Variants in PCDHAC1 observed in about 807,000 individuals in gnomAD.
The protein encoded by PCDHAC1 is protocadherin alpha-C1.
A neutral mutation model predicts 60.0 loss-of-function variants in PCDHAC1; 42 were observed. That is an observed-to-expected ratio of 0.70 (90% confidence interval 0.55 to 0.90). The LOEUF is 0.90. PCDHAC1 is among the 40% of genes least tolerant of loss of function. The probability of loss-of-function intolerance (pLI) is 0.00; values close to 1 mark genes in which losing one functional copy is unlikely to be tolerated. For synonymous variants in PCDHAC1, 468 were observed against 499.3 expected, an observed-to-expected ratio of 0.94 and a Z score of 0.84; for missense variants, 1,160 against 1,222.3, an observed-to-expected ratio of 0.95 and a Z score of 0.76.
chr5:140,992,270 G>A (rs115480506), intron 3 of PCDHAC1, among the ~76,000 whole-genome samples: 186 of 152,264 alleles, frequency 1.2e-3, no homozygotes, highest in African/African-American at 4.1e-3. Flanking sequence ...AGTTCTTTTC[G>A]TAGCACATCC....
At chr5:141,005,956 A>G (rs1272905916) in intron 3 of PCDHAC1, among the ~76,000 whole-genome samples, 2 of 152,020 alleles carry the variant, frequency 1.3e-5, no homozygotes, top group Admixed American at 1.3e-4. Flanking sequence ...CTAACAAACA[A>G]CAATAAAAAA....
intron 3 of PCDHAC1, among the ~76,000 whole-genome samples, chr5:141,002,107 C>T (rs991036721): frequency 6.6e-6 from 1 of 152,246 alleles, no homozygotes. Context: ...GGGCCGGAAA[C>T]GGCTATAATC....
At chr5:140,987,007 A>T (rs2097221901) in intron 3 of PCDHAC1, among the ~76,000 whole-genome samples, 1 of 152,144 alleles carries the variant, frequency 6.6e-6, no homozygotes, top group Non-Finnish European at 1.5e-5. Context: ...TGAGGTCATG[A>T]GTTCGAGACC....
At chr5:140,941,401 C>T (rs1200707950) in intron 1 of PCDHAC1, among the ~76,000 whole-genome samples, 1 of 149,796 alleles carries the variant, frequency 6.7e-6, no homozygotes, top group Non-Finnish European at 1.5e-5. Flanking sequence ...ACTGCAACCT[C>T]CGCCTCCCGG....
rs782623559 is a variant in PCDHAC1 at position 141,009,752 on chromosome 5, A to G, written c.2707A>G (p.Ile903Val). The G allele has an allele frequency of 3.1e-6, 5 of 1,614,086 alleles. No homozygotes were observed. Among genetic ancestry groups the G allele is most frequent in the East Asian group, 4.5e-5 (2 of 44,882 alleles). The change falls in exon 4 of 4, where the codon ATC becomes GTC. Residue 903 changes from isoleucine (I) to valine (V), a missense_variant. Physicochemically the swap from Ile to Val is conservative, Grantham distance 29. Around this residue, in one of 3 missense-constraint regions of PCDHAC1, gnomAD observed 1,113 missense variants for 1,163.7 expected, o/e 0.96. Transcript: ENST00000253807. ...CGGTGAGTTGCCCGACAAATTCATT[A>G]TCCCAGGATCTCCTGCAATCATCTC... ...GPGELPDKFIIPGSPAIISIR... is the reference protein window; with the variant it reads ...GPGELPDKFIVPGSPAIISIR...
chr5:141,011,750 A>T lies in PCDHAC1; in HGVS notation c.*1813A>T, dbSNP rs1554263628. The T allele has an allele frequency of 6.5e-6, 1 of 153,696 alleles. No individual in the cohort carries two copies. Among genetic ancestry groups the T allele is most frequent in the Non-Finnish European group, 1.5e-5 (1 of 68,036 alleles). 9.5% of individuals were successfully genotyped at this position (153,696 alleles called of 1,614,324 possible). A position where few individuals can be genotyped will look rare whatever the true frequency, so the allele number is the denominator to read the frequency against. On this transcript the variant is annotated 3_prime_UTR_variant, in exon 4 of 4. Transcript: ENST00000253807. ...TGCAAGCACAAATTTTACCAATCTG[A>T]CCTCTTTGAAGTTGCAGAATGCTTT... is the stretch of plus-strand genomic sequence containing the variant.
intron 1 of PCDHAC1, among the ~76,000 whole-genome samples, chr5:140,975,853 C>T (rs1419464318): frequency 6.6e-6 from 1 of 152,126 alleles, no homozygotes; most frequent in African/African-American, 2.4e-5. Context: ...AATACTACAT[C>T]ACCCATATGG....
At chr5:140,945,424 A>T (rs1227744054) in intron 1 of PCDHAC1, among the ~76,000 whole-genome samples, 1 of 152,116 alleles carries the variant, frequency 6.6e-6, no homozygotes, top group Non-Finnish European at 1.5e-5. Context: ...ATTTCAATGA[A>T]GTTTTTACAG....
intron 3 of PCDHAC1, among the ~76,000 whole-genome samples, chr5:140,991,361 G>C (rs1183124741): frequency 6.6e-6 from 1 of 152,200 alleles, no homozygotes; most frequent in Non-Finnish European, 1.5e-5. Context: ...ACTATTTACT[G>C]TCTGAGTTCT....
chr5:141,001,946 G>A (rs1554258360), intron 3 of PCDHAC1, among the ~76,000 whole-genome samples: 4 of 147,266 alleles, frequency 2.7e-5, no homozygotes, highest in African/African-American at 1.1e-4. Flanking sequence ...CGGAAATAAG[G>A]AGGAGGGAGA....
intron 3 of PCDHAC1, among the ~76,000 whole-genome samples, chr5:140,992,017 CTGTG>C (rs10602499): frequency 0.28 from 40,265 of 145,404 alleles, 5,754 homozygotes; most frequent in East Asian, 0.38. Flanking sequence ...AGAGGTGGCT[CTGTG>C]TGTGTGTGTG....
intron 1 of PCDHAC1, among the ~76,000 whole-genome samples, chr5:140,946,570 C>G (rs1488950892): frequency 7.2e-6 from 1 of 138,492 alleles, no homozygotes; most frequent in Non-Finnish European, 1.5e-5. Context: ...ATAGAATCAA[C>G]TTAGGTGTTC....
intron 1 of PCDHAC1, among the ~76,000 whole-genome samples, chr5:140,952,230 A>C (rs1177331328): frequency 6.6e-6 from 1 of 151,960 alleles, no homozygotes; most frequent in African/African-American, 2.4e-5. Flanking sequence ...ACAGTGTGCA[A>C]GCTGCTTAGA....
At chr5:140,968,041 C>T (rs1554230247) in intron 1 of PCDHAC1, 1 of 1,614,140 alleles carries the variant, frequency 6.2e-7, no homozygotes, top group Non-Finnish European at 8.5e-7. Context: ...TGGTGAGCGG[C>T]CCACTGGACC....
At chr5:140,931,183 T>C (rs1225985669) in intron 1 of PCDHAC1, among the ~76,000 whole-genome samples, 2 of 152,158 alleles carry the variant, frequency 1.3e-5, no homozygotes, top group Non-Finnish European at 2.9e-5. Context: ...GGGAAGGAAA[T>C]TGGTGCACTA....
At chr5:141,004,030 C>T (rs1337271425) in intron 3 of PCDHAC1, among the ~76,000 whole-genome samples, 1 of 152,204 alleles carries the variant, frequency 6.6e-6, no homozygotes, top group Non-Finnish European at 1.5e-5. Flanking sequence ...GAAACATTTC[C>T]TTGATTGATC....
intron 1 of PCDHAC1, chr5:140,968,991 G>A: frequency 6.2e-7 from 1 of 1,614,208 alleles, no homozygotes; most frequent in East Asian, 2.2e-5. Context: ...ACTGCATGCT[G>A]TGGAGGCTTC....
Position 141,010,240 on chromosome 5 carries a change from G to A in PCDHAC1, c.*303G>A. The A allele has an allele frequency of 6.4e-7, 1 of 1,551,928 alleles. No homozygotes were observed. The highest frequency in any genetic ancestry group is 8.7e-7 in the Non-Finnish European group (1 of 1,147,042). ...GGCTTCCCAGCCCCGCCAGTGAGAGGTTGGACTCTCTGCCCTGTGCTCCGG... is the reference window on the plus strand; with the variant it reads ...GGCTTCCCAGCCCCGCCAGTGAGAGATTGGACTCTCTGCCCTGTGCTCCGG... On this transcript the variant is annotated 3_prime_UTR_variant, in exon 4 of 4. Coordinates refer to ENST00000253807, the MANE Select transcript of PCDHAC1 (RefSeq NM_018898.5).
intron 1 of PCDHAC1, among the ~76,000 whole-genome samples, chr5:140,957,462 T>C (rs574379806): frequency 8.3e-4 from 126 of 152,308 alleles, no homozygotes; most frequent in African/African-American, 2.9e-3. Context: ...ATCATAGGTA[T>C]GTATGTATAG....
Sources: allele counts gnomAD v4.1 joint callset (sites outside exome capture counted in the v4.1 genomes callset), GRCh38; gene constraint gnomAD v4.1.1; regional missense constraint gnomAD v4.1.1; transcripts MANE v1.5; gene names NCBI Gene and HGNC (gene_info 2026-07-23, HGNC 2026-07-21).